NXPE4: variants seen among roughly 807,000 people sequenced by gnomAD.
NXPE4 encodes NXPE family member 4.
NXPE4 carries 42 observed loss-of-function variants against 33.3 expected under a neutral mutation model. The observed-to-expected ratio is 1.26, with a 90% CI of 0.98 to 1.63. The LOEUF is 1.63. NXPE4 is among the 40% of genes most tolerant of loss of function. The pLI, the probability that NXPE4 is intolerant of heterozygous loss-of-function variation, is 0.00. For missense variants in NXPE4, 709 were observed against 647.6 expected (o/e 1.09, Z -1.03); for synonymous variants, 253 against 234.9 (o/e 1.08, Z -0.71).
chr11:114,629,042 T>G, the NXPE4 span, among the ~76,000 whole-genome samples: 3 of 151,138 alleles, frequency 2.0e-5, no homozygotes, highest in Non-Finnish European at 4.4e-5. Context: ...AGCTTACCAA[T>G]GAAAAAGAGT....
At chr11:114,665,529 A>G in the NXPE4 span, among the ~76,000 whole-genome samples, 1 of 152,196 alleles carries the variant, frequency 6.6e-6, no homozygotes, top group Non-Finnish European at 1.5e-5. Context: ...GCATGCAAAG[A>G]GTTATGTACC....
chr11:114,583,925 A>AAT (rs1209519887), intron 2 of NXPE4: 2 of 392,218 alleles, frequency 5.1e-6, no homozygotes, highest in African/African-American at 4.2e-5. Flanking sequence ...TTATGCTATT[A>AAT]ACTATCTGCT....
At chr11:114,616,620 A>G in the NXPE4 span, among the ~76,000 whole-genome samples, 2 of 138,166 alleles carry the variant, frequency 1.4e-5, no homozygotes, top group African/African-American at 5.3e-5. Flanking sequence ...GGGTAACCAC[A>G]GTTACCCACT....
the NXPE4 span, among the ~76,000 whole-genome samples, chr11:114,653,107 G>A: frequency 1.3e-5 from 2 of 152,054 alleles, no homozygotes; most frequent in South Asian, 4.2e-4. Context: ...CAAAACAAGG[G>A]TTTTCTAAGA....
chr11:114,672,528 C>G, the NXPE4 span, among the ~76,000 whole-genome samples: 1 of 151,792 alleles, frequency 6.6e-6, no homozygotes, highest in Non-Finnish European at 1.5e-5. Flanking sequence ...GCAGAAATTG[C>G]CAGACTGGTT....
chr11:114,576,791 G>T (rs1008959888), intron 5 of NXPE4, among the ~76,000 whole-genome samples: 1 of 151,570 alleles, frequency 6.6e-6, no homozygotes, highest in Non-Finnish European at 1.5e-5. Context: ...ATTCCTTAAA[G>T]AACTAAAAAC....
At chr11:114,584,247 T>C in intron 2 of NXPE4, 2 of 460,572 alleles carry the variant, frequency 4.3e-6, no homozygotes, top group South Asian at 3.5e-5. Context: ...CTTCATACAA[T>C]GATTACTTTG....
chr11:114,644,709 T>C, the NXPE4 span, among the ~76,000 whole-genome samples: 31 of 152,176 alleles, frequency 2.0e-4, no homozygotes, highest in Non-Finnish European at 4.3e-4. Flanking sequence ...CCTCAAATTT[T>C]ATCAAATCTC....
the NXPE4 span, among the ~76,000 whole-genome samples, chr11:114,678,156 C>T: frequency 6.6e-6 from 1 of 152,062 alleles, no homozygotes; most frequent in Non-Finnish European, 1.5e-5. Context: ...GAACCGTGGA[C>T]TCAGGGCTTC....
At chr11:114,674,588 C>T in the NXPE4 span, among the ~76,000 whole-genome samples, 1 of 149,964 alleles carries the variant, frequency 6.7e-6, no homozygotes, top group Non-Finnish European at 1.5e-5. Context: ...AAAAAAAAAT[C>T]AAATCACAAA....
chr11:114,610,930 C>A, the NXPE4 span, among the ~76,000 whole-genome samples: 3 of 151,806 alleles, frequency 2.0e-5, no homozygotes, highest in African/African-American at 7.3e-5. Flanking sequence ...AGTATTGCCT[C>A]GTGGGTAACC....
the NXPE4 span, among the ~76,000 whole-genome samples, chr11:114,630,320 T>C: frequency 1.5e-3 from 225 of 151,578 alleles, 3 homozygotes; most frequent in African/African-American, 2.2e-3. Context: ...GGTACCAAAA[T>C]AGAGATATAG....
intron 2 of NXPE4, among the ~76,000 whole-genome samples, chr11:114,585,459 C>G (rs1440743292): frequency 6.6e-6 from 1 of 151,682 alleles, no homozygotes; most frequent in Non-Finnish European, 1.5e-5. Context: ...AAATGGAAAC[C>G]AAAAGAGAGC....
chr11:114,618,580 G>A, the NXPE4 span, among the ~76,000 whole-genome samples: 4 of 151,734 alleles, frequency 2.6e-5, no homozygotes, highest in African/African-American at 4.8e-5. Context: ...GTATTGCCTC[G>A]TGGGTAACAA....
the NXPE4 span, among the ~76,000 whole-genome samples, chr11:114,677,846 G>A: frequency 7.2e-5 from 11 of 151,978 alleles, no homozygotes; most frequent in Non-Finnish European, 1.3e-4. Context: ...AGTGTGGCCC[G>A]TGTGTTATGG....
the NXPE4 span, among the ~76,000 whole-genome samples, chr11:114,669,760 A>G: frequency 6.6e-6 from 1 of 152,042 alleles, no homozygotes; most frequent in Non-Finnish European, 1.5e-5. Context: ...CTTTATTTGG[A>G]GCAGTCTGAA....
chr11:114,656,457 A>G, the NXPE4 span, among the ~76,000 whole-genome samples: 1 of 152,120 alleles, frequency 6.6e-6, no homozygotes, highest in Non-Finnish European at 1.5e-5. Context: ...ATCAAAGAAG[A>G]CCCTCTATAG....
At chr11:114,615,439 G>T in the NXPE4 span, among the ~76,000 whole-genome samples, 1 of 151,942 alleles carries the variant, frequency 6.6e-6, no homozygotes. Flanking sequence ...TGCCTCATGG[G>T]TAACCACTGT....
At chr11:114,629,166 A>G in the NXPE4 span, among the ~76,000 whole-genome samples, 3 of 152,092 alleles carry the variant, frequency 2.0e-5, no homozygotes, top group Non-Finnish European at 4.4e-5. Context: ...TCCCTAACTC[A>G]TTTTATGAGG....
Sources: allele counts gnomAD v4.1 joint callset (sites outside exome capture counted in the v4.1 genomes callset), GRCh38; gene constraint gnomAD v4.1.1; transcripts MANE v1.5; gene names NCBI Gene and HGNC (gene_info 2026-07-23, HGNC 2026-07-21).